The following UGGT2 variants were observed in gnomAD, a reference collection of about 807,000 sequenced individuals.
UGGT2 encodes UDP-glucose glycoprotein glucosyltransferase 2, also known as UDP-glucose:glycoprotein glucosyltransferase 2.
A neutral mutation model predicts 192.1 loss-of-function variants in UGGT2; 180 were observed. The observed-to-expected ratio is 0.94, with a 90% confidence interval of 0.83 to 1.06. The LOEUF (loss-of-function observed/expected upper bound fraction) is 1.06, where lower values mean the gene tolerates loss of function less well. Ranked by LOEUF, UGGT2 falls within the 50% of genes least tolerant of loss-of-function variation. The pLI is 0.00. For missense variants in UGGT2, 1,849 were observed against 1,795.7 expected (o/e 1.03, Z -0.54); for synonymous variants, 580 against 591.0 (o/e 0.98, Z 0.27).
intron 24 of UGGT2, 63 bp from the exon 25 acceptor site, chr13:95,891,027 A>C: frequency 8.6e-7 from 1 of 1,161,962 alleles, no homozygotes; most frequent in Non-Finnish European, 1.2e-6. Context: ...ACTAATCATG[A>C]TCTTAGCTAT....
chr13:95,920,748 T>C (rs1364548603), intron 20 of UGGT2, among the ~76,000 whole-genome samples: 3 of 152,148 alleles, frequency 2.0e-5, no homozygotes, highest in African/African-American at 7.2e-5. Flanking sequence ...GGAATAAAAA[T>C]TAGGTCAGCC....
intron 5 of UGGT2, among the ~76,000 whole-genome samples, chr13:96,005,317 T>C (rs1443679805): frequency 6.6e-6 from 1 of 152,154 alleles, no homozygotes. Context: ...TCTATAAAGC[T>C]TGCTAAAGGC....
chr13:95,894,427 A>C, intron 24 of UGGT2, 135 bp downstream of exon 24: 2 of 642,510 alleles, frequency 3.1e-6, no homozygotes, highest in Admixed American at 6.1e-5. Flanking sequence ...TTATCTTCCT[A>C]ATACTGTCAA....
chr13:96,007,387 G>A (rs2052015387), intron 5 of UGGT2, among the ~76,000 whole-genome samples: 1 of 152,012 alleles, frequency 6.6e-6, no homozygotes, highest in Non-Finnish European at 1.5e-5. Context: ...TCAAAGATCT[G>A]GAACAAGACA....
chr13:95,860,042 C>G (rs866832207), intron 32 of UGGT2: 2 of 155,276 alleles, frequency 1.3e-5, no homozygotes, highest in African/African-American at 2.4e-5. Flanking sequence ...AATGATCTAT[C>G]TATATTGACA....
chr13:95,978,169 T>A (rs1445727421), intron 10 of UGGT2, among the ~76,000 whole-genome samples: 1 of 151,974 alleles, frequency 6.6e-6, no homozygotes, highest in Non-Finnish European at 1.5e-5. Context: ...TGCATATGTA[T>A]CCCAGAACTT....
intron 5 of UGGT2, among the ~76,000 whole-genome samples, chr13:96,007,002 T>C (rs1276240746): frequency 6.6e-6 from 1 of 152,104 alleles, no homozygotes; most frequent in Non-Finnish European, 1.5e-5. Flanking sequence ...AAAAGAAAAC[T>C]ATATGCCAAT....
chr13:95,901,722 AT>A (rs1452032748), intron 21 of UGGT2, among the ~76,000 whole-genome samples: 1 of 152,140 alleles, frequency 6.6e-6, no homozygotes, highest in East Asian at 1.9e-4. Context: ...GAGGAACTGA[AT>A]TTAAAATCTT....
intron 20 of UGGT2, among the ~76,000 whole-genome samples, chr13:95,908,169 T>C (rs966483949): frequency 6.6e-6 from 1 of 152,010 alleles, no homozygotes; most frequent in South Asian, 2.1e-4. Flanking sequence ...ATCAAATTAA[T>C]GAAATAAAGT....
At chr13:95,848,917 A>AT (rs1594140395) in intron 36 of UGGT2, among the ~76,000 whole-genome samples, 1 of 152,204 alleles carries the variant, frequency 6.6e-6, no homozygotes, top group Admixed American at 6.5e-5. Flanking sequence ...TAAACAGGGA[A>AT]TACCTCTTCA....
chr13:95,902,791 A>T, intron 21 of UGGT2, 63 bp downstream of exon 21: 3 of 1,473,048 alleles, frequency 2.0e-6, no homozygotes, highest in South Asian at 2.5e-5. Flanking sequence ...AATATCTCCA[A>T]ATACACTCAC....
intron 27 of UGGT2, among the ~76,000 whole-genome samples, chr13:95,881,114 CAGTGAGCCAGAGCTGGCAATG>C (rs1317024764): frequency 3.3e-5 from 5 of 152,162 alleles, no homozygotes; most frequent in African/African-American, 7.2e-5. Context: ...GCTGAGCTTG[CAGTGAGCCAGAGCTGGCAATG>C]AGCCGAGATC....
intron 38 of UGGT2, among the ~76,000 whole-genome samples, chr13:95,802,802 T>A (rs1884119523): frequency 6.7e-6 from 1 of 149,950 alleles, no homozygotes; most frequent in African/African-American, 2.5e-5. Flanking sequence ...AGCCTGGTAT[T>A]AGCTATCCTT....
chr13:95,858,998 C>G (rs924427628), intron 33 of UGGT2, among the ~76,000 whole-genome samples: 1 of 152,102 alleles, frequency 6.6e-6, no homozygotes, highest in African/African-American at 2.4e-5. Context: ...TGCGGAGACA[C>G]TAAATTTCAC....
chr13:96,006,623 C>CAAAAAA (rs61256349), intron 5 of UGGT2, among the ~76,000 whole-genome samples: 53 of 93,422 alleles, frequency 5.7e-4, no homozygotes, highest in Non-Finnish European at 6.3e-4. Flanking sequence ...GATTCTGCCT[C>CAAAAAA]AAAAAAAAAA....
chr13:96,020,676 A>T (rs534687565), intron 4 of UGGT2, among the ~76,000 whole-genome samples: 1 of 152,264 alleles, frequency 6.6e-6, no homozygotes, highest in Admixed American at 6.5e-5. Flanking sequence ...GTACAGGGAG[A>T]AAGAGGTGAG....
At chr13:95,845,110 C>G (rs938294712) in intron 36 of UGGT2, among the ~76,000 whole-genome samples, 3 of 152,082 alleles carry the variant, frequency 2.0e-5, no homozygotes, top group Non-Finnish European at 4.4e-5. Context: ...TTTTCTAATA[C>G]TGAATCAGTC....
At chr13:95,965,630 A>G (rs2050552828) in intron 12 of UGGT2, among the ~76,000 whole-genome samples, 1 of 147,416 alleles carries the variant, frequency 6.8e-6, no homozygotes, top group African/African-American at 2.5e-5. Flanking sequence ...ATTAGGTGAT[A>G]TACCTAATGC....
At chr13:95,836,889 A>G (rs1239726253) in intron 37 of UGGT2, among the ~76,000 whole-genome samples, 197 bp downstream of exon 37, 2 of 152,252 alleles carry the variant, frequency 1.3e-5, no homozygotes, top group East Asian at 1.9e-4. Context: ...TCCTTAGTGA[A>G]TCATCAAACC....
Sources: allele counts gnomAD v4.1 joint callset (sites outside exome capture counted in the v4.1 genomes callset), GRCh38; gene constraint gnomAD v4.1.1; transcripts MANE v1.5; gene names NCBI Gene and HGNC (gene_info 2026-07-23, HGNC 2026-07-21).